The following MAP7D1 variants were observed in gnomAD, a reference collection of about 807,000 sequenced individuals.
The protein encoded by MAP7D1 is MAP7 domain containing 1.
In MAP7D1, 30 loss-of-function variants were observed where a neutral mutation model predicts 97.5. That is an observed-to-expected ratio of 0.31 (90% CI 0.23 to 0.42). MAP7D1 has a LOEUF of 0.42. Ranked by LOEUF, MAP7D1 falls within the 10% of genes least tolerant of loss-of-function variation. The pLI is 1.00. For synonymous variants in MAP7D1, 536 were observed against 477.1 expected (o/e 1.12, Z -1.61); for missense variants, 1,184 against 1,179.5 (o/e 1.00, Z -0.06).
rs760528174 is a variant in MAP7D1 at position 36,170,951 on chromosome 1, C to T, written c.47-20C>T. On this transcript the variant is annotated intron_variant, in intron 1 of 16. Coordinates refer to ENST00000474796, the MANE Select transcript of MAP7D1 (RefSeq NM_001388490.1). The stretch of plus-strand genomic sequence containing the variant: ...AGATGAGCAATCTGACCTCTCTCCT[C>T]TCTTGTGTTGGTCTTTCAGCTGTGG... 1.1e-5 allele frequency: 12 copies of T among 1,057,520 alleles called. No homozygotes were observed. The highest frequency in any genetic ancestry group is 2.9e-6 in the Non-Finnish European group (2 of 694,678). The allele number at this position is 1,057,520 out of a possible 1,614,324, so 65.5% of individuals were successfully genotyped here.
intron 1 of MAP7D1, among the ~76,000 whole-genome samples, chr1:36,168,093 G>C (rs1644494872): frequency 6.6e-6 from 1 of 152,078 alleles, no homozygotes; most frequent in Non-Finnish European, 1.5e-5. Context: ...TCAAGAGATG[G>C]AGACCAGCCT....
At chr1:36,158,229 T>C (rs756601893) in intron 1 of MAP7D1, among the ~76,000 whole-genome samples, 1 of 152,076 alleles carries the variant, frequency 6.6e-6, no homozygotes, top group Non-Finnish European at 1.5e-5. Context: ...AGGACTCTTC[T>C]ATACACAGGG....
At chr1:36,164,983 A>C (rs902574550) in intron 1 of MAP7D1, among the ~76,000 whole-genome samples, 2 of 152,258 alleles carry the variant, frequency 1.3e-5, no homozygotes, top group Non-Finnish European at 2.9e-5. Context: ...ATAGGCAAAA[A>C]TTTGTGCCCT....
chr1:36,167,306 G>T (rs1644484982), intron 1 of MAP7D1, among the ~76,000 whole-genome samples: 1 of 152,202 alleles, frequency 6.6e-6, no homozygotes, highest in African/African-American at 2.4e-5. Flanking sequence ...TTCAAAGCCA[G>T]GTGAAGACAG....
Position 36,176,493 on chromosome 1 carries a change from G to A in MAP7D1, c.1145G>A (p.Cys382Tyr), listed in dbSNP as rs1644624760. 4 of 1,381,234 alleles carry A rather than the reference G, an allele frequency of 2.9e-6. No homozygotes were observed. Among genetic ancestry groups the A allele is most frequent in the Non-Finnish European group, 3.7e-6 (4 of 1,069,332 alleles). 85.6% of individuals were successfully genotyped at this position (1,381,234 alleles called of 1,614,324 possible). Residue 382 changes from cysteine to tyrosine, a missense_variant, in exon 7 of 17, where the codon TGC becomes TAC. Cys to Tyr is a radical substitution (Grantham distance 194, BLOSUM62 -2). Transcript: ENST00000474796. This position sits in a 1 kb window ranked among gnomAD's most constrained non-coding sequence, Gnocchi z 6.1. The part of the protein sequence containing the change: ...PCSVTRSVHR[C>Y]APAGERGERR... ...AGCGTCACCCGAAGCGTGCACCGCT[G>A]CGCCCCCGCCGGTGAGCGCGGGGAG... is the stretch of plus-strand genomic sequence containing the variant.
rs766764097 is a variant in MAP7D1, at chr1:36,179,656, C to T, written c.2228-10C>T. The T allele has an allele frequency of 2.1e-5, 33 of 1,536,616 alleles. No individual in the cohort carries two copies. Among genetic ancestry groups the T allele is most frequent in the Non-Finnish European group, 2.7e-5 (31 of 1,138,510 alleles). ...GCCCCTGGCTGATGGCCCCTCTTTC[C>T]CTGTGACAGAGCCTGTGAAAGCTGT... On this transcript the variant is annotated splice_polypyrimidine_tract_variant and intron_variant, in intron 14 of 16. Coordinates refer to ENST00000474796, the MANE Select transcript of MAP7D1 (RefSeq NM_001388490.1).
chr1:36,178,361 G>T, intron 9 of MAP7D1, 58 bp from the exon 10 acceptor site: 1 of 1,550,236 alleles, frequency 6.5e-7, no homozygotes, highest in South Asian at 1.2e-5. Context: ...AGGCCGCTGG[G>T]AGATGACGGC....
chr1:36,173,922 C>G (rs1333286986), intron 5 of MAP7D1, among the ~76,000 whole-genome samples: 1 of 152,054 alleles, frequency 6.6e-6, no homozygotes, highest in Non-Finnish European at 1.5e-5. Flanking sequence ...GCTTGGATGT[C>G]TTTATGCAAT....
chr1:36,174,882 T>A lies in MAP7D1; in HGVS notation c.740-16T>A. The A allele has an allele frequency of 6.4e-7, 1 of 1,555,254 alleles. No individual in the cohort carries two copies. Among genetic ancestry groups the A allele is most frequent in the Non-Finnish European group, 8.9e-7 (1 of 1,127,048 alleles). On this transcript the variant is annotated splice_polypyrimidine_tract_variant and intron_variant, in intron 5 of 16. Coordinates refer to ENST00000474796, the MANE Select transcript of MAP7D1 (RefSeq NM_001388490.1). ...TGCCGGGCCCGGCCCTAATGCCGTG[T>A]CTTTTCCCCCTCCAGGTGGGAGCAG...
intron 1 of MAP7D1, among the ~76,000 whole-genome samples, chr1:36,164,106 G>C (rs969439905): frequency 1.3e-5 from 2 of 149,956 alleles, no homozygotes; most frequent in Admixed American, 6.6e-5. Context: ...TTACAGGCGT[G>C]AGCCACTGCG....
At chr1:36,179,191 G>A (rs982979099) in intron 12 of MAP7D1, 71 bp from the exon 13 acceptor site, 6 of 1,571,556 alleles carry the variant, frequency 3.8e-6, no homozygotes, top group African/African-American at 2.7e-5. Flanking sequence ...CTCCGAGGCC[G>A]GGTCTGGCTG....
chr1:36,177,875 C>G lies in MAP7D1; in HGVS notation c.1382C>G (p.Pro461Arg). The G allele has an allele frequency of 6.5e-7, 1 of 1,530,922 alleles. No individual in the cohort carries two copies. Among genetic ancestry groups the G allele is most frequent in the Non-Finnish European group, 8.8e-7 (1 of 1,139,702 alleles). The allele number at this position is 1,530,922 out of a possible 1,614,324, so 94.8% of individuals were successfully genotyped here. The change falls in exon 9 of 17, where the codon CCC becomes CGC. Residue 461 changes from proline (P) to arginine (R), a missense_variant and splice_region_variant. Pro to Arg is a moderately radical substitution (Grantham distance 103). Transcript: ENST00000474796. ...LSASTASELS[P>R]KSKARPSSPS... ...TTCCCTTTTCCCTTTTCTCTTAGCC[C>G]CAAATCCAAGGCCAGGCCATCCTCT... is the stretch of plus-strand genomic sequence containing the variant.
At chr1:36,171,466 T>C in intron 2 of MAP7D1, 47 bp from the exon 3 acceptor site, 1 of 1,603,680 alleles carries the variant, frequency 6.2e-7, no homozygotes. Flanking sequence ...CTGACTCCTC[T>C]TTGGGGACAG....
At chr1:36,156,523 G>A (rs941630450) in intron 1 of MAP7D1, 60 bp downstream of exon 1, 36 of 1,317,700 alleles carry the variant, frequency 2.7e-5, no homozygotes, top group Non-Finnish European at 9.8e-6. Context: ...CAGGGCGGCC[G>A]AGGATGAGGC....
At chr1:36,165,808 G>A (rs1415531331) in intron 1 of MAP7D1, among the ~76,000 whole-genome samples, 1 of 140,068 alleles carries the variant, frequency 7.1e-6, no homozygotes, top group African/African-American at 2.7e-5. Flanking sequence ...TTGGCTCACC[G>A]CATCCTCTGC....
chr1:36,178,309 A>G, intron 9 of MAP7D1, 108 bp downstream of exon 9: 1 of 1,471,274 alleles, frequency 6.8e-7, no homozygotes, highest in East Asian at 2.5e-5. Flanking sequence ...GGGACATGGA[A>G]AGAGGAGACT....
intron 4 of MAP7D1, 83 bp downstream of exon 4, chr1:36,172,710 C>A: frequency 7.5e-7 from 1 of 1,324,892 alleles, no homozygotes; most frequent in Non-Finnish European, 9.9e-7. Context: ...CATCCATGTT[C>A]ACGGCTCTGC....
chr1:36,161,533 G>T (rs1424368779), intron 1 of MAP7D1, among the ~76,000 whole-genome samples: 2 of 152,196 alleles, frequency 1.3e-5, no homozygotes, highest in Non-Finnish European at 2.9e-5. Flanking sequence ...GTAAAATGGG[G>T]TAATAATATC....
In MAP7D1 at chr1:36,179,218, TA is replaced by T. The variant is rs753756050; in HGVS notation, c.2131-43del. ...GTCTGGCTGGTGGGAGGTTTAGGAT[TA>T]GGGGCGGGGCTCGAGCCTAACTGAT... On this transcript the variant is annotated intron_variant, in intron 12 of 16. Coordinates refer to ENST00000474796, the MANE Select transcript of MAP7D1 (RefSeq NM_001388490.1). The T allele has an allele frequency of 3.7e-6, 6 of 1,606,982 alleles. No homozygotes were observed. The South Asian group carries it at 5.5e-5, about 15-fold the overall frequency.
Sources: gnomAD v4.1 joint callset for allele counts (sites outside exome capture counted in the v4.1 genomes callset) on GRCh38, gnomAD v4.1.1 for gene constraint, Gnocchi (gnomAD v3.1) non-coding constraint, MANE v1.5 for transcripts, NCBI Gene and HGNC (gene_info 2026-07-23, HGNC 2026-07-21) for gene names.